The following SLC9C1 variants were observed in gnomAD, a reference collection of about 807,000 sequenced individuals.
The protein encoded by SLC9C1 is solute carrier family 9 member C1.
Under a neutral mutation model 140.9 loss-of-function variants are expected in SLC9C1, and 97 were observed. The observed-to-expected ratio is 0.69, with a 90% CI of 0.58 to 0.82. SLC9C1 has a LOEUF of 0.82. Among genes scored for constraint, SLC9C1 ranks in the 40% least tolerant of loss-of-function variants. The pLI is 0.00. For missense variants in SLC9C1, 1,340 were observed against 1,389.3 expected (o/e 0.96, Z 0.56); for synonymous variants, 440 against 442.6 (o/e 0.99, Z 0.07).
intron 12 of SLC9C1, among the ~76,000 whole-genome samples, chr3:112,234,825 C>T (rs912656050): frequency 6.6e-6 from 1 of 152,064 alleles, no homozygotes; most frequent in Non-Finnish European, 1.5e-5. Context: ...CTGTTCTGTT[C>T]CATTGTCTAG....
At chr3:112,215,519 T>C (rs1016566816) in intron 15 of SLC9C1, among the ~76,000 whole-genome samples, 13 of 152,016 alleles carry the variant, frequency 8.6e-5, no homozygotes, top group African/African-American at 3.1e-4. Context: ...AGTCCCAGGA[T>C]AAAAAATCAA....
rs549070971 is a variant in SLC9C1 at position 112,141,128 on chromosome 3, A to G, written c.*144T>C. ...GTTGAACTGCTGGTTTCAAGGTCCA[A>G]ATTTCTTTTCTGCTTAGCACCAAGA... On this transcript the variant is annotated 3_prime_UTR_variant, in exon 29 of 29. Coordinates refer to ENST00000305815, the MANE Select transcript of SLC9C1 (RefSeq NM_183061.3). The G allele has an allele frequency of 1.5e-4, 125 of 828,076 alleles. No homozygotes were observed. The African/African-American group carries it at 1.7e-3, about 11-fold the overall frequency. The allele number at this position is 828,076 out of a possible 1,614,324, so 51.3% of individuals were successfully genotyped here.
intron 13 of SLC9C1, among the ~76,000 whole-genome samples, chr3:112,228,658 T>A (rs76215223): frequency 6.6e-6 from 1 of 152,014 alleles, no homozygotes; most frequent in Admixed American, 6.6e-5. Context: ...ATATCCAGAA[T>A]AGACAAAGAA....
At chr3:112,185,024 GGA>G (rs947556895) in intron 20 of SLC9C1, among the ~76,000 whole-genome samples, 7 of 152,024 alleles carry the variant, frequency 4.6e-5, no homozygotes, top group African/African-American at 1.7e-4. Flanking sequence ...GGGAAATGGG[GGA>G]GAGTCATGTG....
chr3:112,235,638 A>C (rs2078962699), intron 12 of SLC9C1, among the ~76,000 whole-genome samples: 1 of 152,064 alleles, frequency 6.6e-6, no homozygotes, highest in Non-Finnish European at 1.5e-5. Context: ...TATTATTTTG[A>C]AATACGTCCC....
chr3:112,255,327 A>T (rs1020234598), intron 10 of SLC9C1, among the ~76,000 whole-genome samples: 7 of 152,164 alleles, frequency 4.6e-5, no homozygotes, highest in African/African-American at 1.7e-4. Flanking sequence ...TCAACCACAC[A>T]ATCAAACGTA....
intron 20 of SLC9C1, among the ~76,000 whole-genome samples, chr3:112,189,641 T>C (rs2077610692): frequency 6.6e-6 from 1 of 152,348 alleles, no homozygotes; most frequent in South Asian, 2.1e-4. Context: ...TGTAGCCTTG[T>C]AGTATGGTTT....
intron 27 of SLC9C1, among the ~76,000 whole-genome samples, chr3:112,153,422 A>C (rs2075039561): frequency 6.6e-6 from 1 of 151,554 alleles, no homozygotes; most frequent in Non-Finnish European, 1.5e-5. Flanking sequence ...TTTATTTTAA[A>C]TGTCCTCCTC....
chr3:112,235,463 T>TATTTCCTTCTCCTGC (rs1402366476), intron 12 of SLC9C1, among the ~76,000 whole-genome samples: 8 of 151,408 alleles, frequency 5.3e-5, no homozygotes, highest in Non-Finnish European at 1.0e-4. Flanking sequence ...GACTACCCTT[T>TATTTCCTTCTCCTGC]ATTTCCTTCT....
chr3:112,220,392 A>G (rs1439230256), intron 14 of SLC9C1, among the ~76,000 whole-genome samples: 1 of 152,200 alleles, frequency 6.6e-6, no homozygotes, highest in African/African-American at 2.4e-5. Flanking sequence ...GGGTATGCAC[A>G]CCAAAGGCCG....
chr3:112,240,788 T>A (rs779085140), intron 11 of SLC9C1, among the ~76,000 whole-genome samples: 14 of 152,260 alleles, frequency 9.2e-5, no homozygotes, highest in Admixed American at 8.5e-4. Context: ...TGTTCTAGAA[T>A]ACATCCAGTT....
rs191396784 is a variant in SLC9C1 at position 112,290,130 on chromosome 3, A to G, written c.-87-3252T>C. Among the ~76,000 whole-genome samples, 8 of 152,336 alleles carry G rather than the reference A, an allele frequency of 5.3e-5. No individual in the cohort carries two copies. In the East Asian group the frequency reaches 1.5e-3, roughly 29 times the overall value. On this transcript the variant is annotated intron_variant, in intron 1 of 28. Transcript: ENST00000305815. ...CAAACTATTGAGAAAAATATTGTCA[A>G]TGTCACCTCTTAACTTGCCCACTCT... is the stretch of plus-strand genomic sequence containing the variant.
At chr3:112,176,489 C>T (rs929895443) in intron 23 of SLC9C1, among the ~76,000 whole-genome samples, 11 of 152,210 alleles carry the variant, frequency 7.2e-5, no homozygotes, top group Admixed American at 2.0e-4. Context: ...GGTTTAAAGT[C>T]TTTGACCAAT....
intron 4 of SLC9C1, 119 bp downstream of exon 4, chr3:112,278,610 A>G: frequency 9.6e-7 from 1 of 1,041,188 alleles, no homozygotes; most frequent in Non-Finnish European, 1.3e-6. Context: ...TGAATTTATT[A>G]CTCCCATACC....
chr3:112,190,389 A>G (rs2077632343), intron 20 of SLC9C1, among the ~76,000 whole-genome samples: 1 of 152,136 alleles, frequency 6.6e-6, no homozygotes, highest in Non-Finnish European at 1.5e-5. Flanking sequence ...AATAGCTCTT[A>G]TTATTTTGAG....
rs149027728 is a variant in SLC9C1 at position 112,208,056 on chromosome 3, C to T, written c.1986+122G>A. The T allele has an allele frequency of 2.8e-4, 195 of 706,650 alleles. No individual in the cohort carries two copies. The African/African-American group carries it at 3.2e-3, about 12-fold the overall frequency. 43.8% of individuals were successfully genotyped at this position (706,650 alleles called of 1,614,324 possible). A position where few individuals can be genotyped will look rare whatever the true frequency, so the allele number is the denominator to read the frequency against. ...ACCTTCAAAAATTAAAGTTTGGAGA[C>T]GTGAGGAAGAAATTCATACACTCCT... On this transcript the variant is annotated intron_variant, in intron 16 of 28. Transcript: ENST00000305815.
chr3:112,180,366 A>G (rs1385916764), intron 22 of SLC9C1, among the ~76,000 whole-genome samples, 198 bp downstream of exon 22: 2 of 152,094 alleles, frequency 1.3e-5, no homozygotes, highest in African/African-American at 4.8e-5. Context: ...CACTAAAAAT[A>G]CAAAAAATTA....
intron 26 of SLC9C1, among the ~76,000 whole-genome samples, chr3:112,157,880 A>G (rs1008510622): frequency 2.0e-5 from 3 of 151,858 alleles, no homozygotes; most frequent in African/African-American, 7.3e-5. Flanking sequence ...TGTATCCTGC[A>G]ACTTTGCTGG....
intron 1 of SLC9C1, among the ~76,000 whole-genome samples, chr3:112,287,623 C>T (rs150133327): frequency 6.6e-5 from 10 of 152,290 alleles, no homozygotes; most frequent in African/African-American, 2.4e-4. Flanking sequence ...GCCTGCTTCC[C>T]ATGGAAAGGA....
Sources: allele counts gnomAD v4.1 joint callset (sites outside exome capture counted in the v4.1 genomes callset), GRCh38; gene constraint gnomAD v4.1.1; transcripts MANE v1.5; gene names NCBI Gene and HGNC (gene_info 2026-07-23, HGNC 2026-07-21).